The following FAM120C variants were observed in gnomAD, a reference collection of about 807,000 sequenced individuals.
FAM120C encodes the protein family with sequence similarity 120 member C.
In FAM120C, 14 loss-of-function variants were observed where a neutral mutation model predicts 71.2. That is an observed-to-expected ratio of 0.20 (90% CI 0.13 to 0.31). The LOEUF is 0.31. Among genes scored for constraint, FAM120C ranks in the 10% least tolerant of loss-of-function variants. The pLI is 1.00. For synonymous variants in FAM120C, 354 were observed against 353.2 expected (o/e 1.00, Z -0.03); for missense variants, 500 against 879.0 (o/e 0.57, Z 5.45).
At chrX:54,088,176 A>G (rs1178101237) in intron 11 of FAM120C, among the ~76,000 whole-genome samples, 1 of 111,427 alleles carries the variant, frequency 9.0e-6, no homozygotes, top group Admixed American at 9.7e-5. Flanking sequence ...CCAACCTGAG[A>G]CATTTTTTTT....
At chrX:54,124,758 C>G (rs1221565512) in intron 9 of FAM120C, among the ~76,000 whole-genome samples, 1 of 111,871 alleles carries the variant, frequency 8.9e-6, no homozygotes, top group Non-Finnish European at 1.9e-5. Context: ...GACCTAGAAG[C>G]TAATTTGTAT....
intron 4 of FAM120C, among the ~76,000 whole-genome samples, chrX:54,140,729 G>A (rs1475587164): frequency 9.2e-5 from 10 of 108,671 alleles, no homozygotes; most frequent in Non-Finnish European, 1.5e-4. Context: ...CGAGGCAGGC[G>A]GATCACTTAA....
intron 10 of FAM120C, among the ~76,000 whole-genome samples, chrX:54,098,915 G>A (rs1319971400): frequency 9.0e-6 from 1 of 111,253 alleles, no homozygotes; most frequent in Non-Finnish European, 1.9e-5. Context: ...CACAGTGCCC[G>A]GCTGACATTT....
At chrX:54,087,722 G>C (rs955328806) in intron 12 of FAM120C, 33 bp downstream of exon 12, 11 of 1,176,748 alleles carry the variant, frequency 9.3e-6, no homozygotes, top group Admixed American at 4.4e-5. Flanking sequence ...CAGGAGATCA[G>C]AGCTAGTCCT....
intron 10 of FAM120C, among the ~76,000 whole-genome samples, chrX:54,092,846 A>T (rs1557122815): frequency 8.9e-6 from 1 of 112,187 alleles, no homozygotes; most frequent in Non-Finnish European, 1.9e-5. Flanking sequence ...CAAAAATAGA[A>T]GAAAATGAAT....
At chrX:54,079,619 G>A (rs1451684029) in intron 15 of FAM120C, among the ~76,000 whole-genome samples, 1 of 111,429 alleles carries the variant, frequency 9.0e-6, no homozygotes, top group Non-Finnish European at 1.9e-5. Context: ...CTAACATGGA[G>A]AAACTCCATC....
At chrX:54,181,022 CTTT>C (rs373135679) in intron 1 of FAM120C, among the ~76,000 whole-genome samples, 3 of 96,624 alleles carry the variant, frequency 3.1e-5, no homozygotes, top group Non-Finnish European at 2.1e-5. Flanking sequence ...AAATGTGTGC[CTTT>C]TTTTTTTTTT....
chrX:54,114,758 G>GT (rs1603355448), intron 10 of FAM120C, among the ~76,000 whole-genome samples: 1 of 105,211 alleles, frequency 9.5e-6, no homozygotes, highest in East Asian at 3.1e-4. Flanking sequence ...TTGTTTGTTT[G>GT]TTTTTTTGAG....
chrX:54,103,279 A>T, intron 10 of FAM120C, among the ~76,000 whole-genome samples: 1 of 110,981 alleles, frequency 9.0e-6, no homozygotes, highest in East Asian at 2.8e-4. Context: ...ATCTCAGGCA[A>T]CTGAGGTATT....
At position 54,134,735 on chromosome X, in the gene FAM120C, G is replaced by A. The variant is rs1316865558; in HGVS notation, c.1616+96C>T. ...AGCAAAACACTACAGAGGAAACCCA[G>A]GAATACACTTTCCCACACCCTCCAC... is the stretch of plus-strand genomic sequence containing the variant. On this transcript the variant is annotated intron_variant, in intron 7 of 15. Coordinates refer to ENST00000375180, the MANE Select transcript of FAM120C (RefSeq NM_017848.6). The A allele has an allele frequency of 1.7e-4, 155 of 931,748 alleles. 1 individual carries two copies. Among genetic ancestry groups the A allele is most frequent in the Non-Finnish European group, 2.3e-4 (155 of 687,938 alleles). 76.8% of individuals were successfully genotyped at this position (931,748 alleles called of 1,213,427 possible).
chrX:54,085,648 A>G, intron 13 of FAM120C, 67 bp downstream of exon 13: 1 of 1,021,729 alleles, frequency 9.8e-7, no homozygotes, highest in South Asian at 2.0e-5. Context: ...GTTATTGACA[A>G]TAATGACTGG....
intron 9 of FAM120C, among the ~76,000 whole-genome samples, chrX:54,127,584 C>CAAA (rs782016062): frequency 2.0e-4 from 5 of 25,154 alleles, no homozygotes; most frequent in Admixed American, 5.0e-4. Context: ...GACTCCATCT[C>CAAA]AAAAAAAAAA....
intron 9 of FAM120C, among the ~76,000 whole-genome samples, chrX:54,117,673 G>GGGC (rs1350621503): frequency 1.8e-5 from 2 of 108,918 alleles, no homozygotes; most frequent in Non-Finnish European, 3.8e-5. Flanking sequence ...ACTGCAGCCT[G>GGGC]GGCGACAGAG....
intron 4 of FAM120C, chrX:54,147,434 C>G (rs1179903502): frequency 8.9e-6 from 1 of 111,749 alleles, no homozygotes; most frequent in African/African-American, 3.3e-5. Context: ...GCTGCTACAG[C>G]TCTAATACCT....
At chrX:54,108,800 C>T (rs1416342467) in intron 10 of FAM120C, among the ~76,000 whole-genome samples, 3 of 104,672 alleles carry the variant, frequency 2.9e-5, no homozygotes, top group Non-Finnish European at 3.9e-5. Flanking sequence ...TGTGGTGGTG[C>T]GCGCCTGTAA....
chrX:54,091,302 A>G lies in FAM120C; in HGVS notation c.2427+10T>C, dbSNP rs2066823091. On this transcript the variant is annotated intron_variant, in intron 11 of 15. Transcript: ENST00000375180. ...AAAGAAAGAACTTAAATGAGGGTAC[A>G]TGAACTCACCTTGAGTTCTTGGAGT... The G allele has an allele frequency of 1.7e-6, 2 of 1,155,492 alleles. No homozygotes were observed. The highest frequency in any genetic ancestry group is 2.4e-6 in the Non-Finnish European group (2 of 845,178).
intron 1 of FAM120C, 145 bp from the exon 2 acceptor site, chrX:54,159,761 CTTTTTT>C: frequency 5.7e-6 from 2 of 348,108 alleles, no homozygotes; most frequent in Non-Finnish European, 9.2e-6. Flanking sequence ...ACATTTTTTA[CTTTTTT>C]TTTTTTTTTT....
At chrX:54,077,982 C>T (rs1464050519) in intron 15 of FAM120C, among the ~76,000 whole-genome samples, 4 of 78,850 alleles carry the variant, frequency 5.1e-5, no homozygotes, top group Non-Finnish European at 9.2e-5. Flanking sequence ...CTCGCTCTGT[C>T]GCCCAGGCTG....
At chrX:54,152,922 G>A (rs1438178723) in intron 3 of FAM120C, among the ~76,000 whole-genome samples, 2 of 111,436 alleles carry the variant, frequency 1.8e-5, no homozygotes, top group African/African-American at 6.5e-5. Flanking sequence ...TAGGCTGGGC[G>A]CGGTGACCCA....
Sources: gnomAD v4.1 joint callset for allele counts (sites outside exome capture counted in the v4.1 genomes callset) on GRCh38, gnomAD v4.1.1 for gene constraint, MANE v1.5 for transcripts, NCBI Gene and HGNC (gene_info 2026-07-23, HGNC 2026-07-21) for gene names.